The following TMEM68 variants were observed in gnomAD, a reference collection of about 807,000 sequenced individuals.
TMEM68 encodes DGAT1/2-independent enzyme synthesizing storage lipids.
Under a neutral mutation model 36.9 loss-of-function variants are expected in TMEM68, and 25 were observed. The ratio of observed to expected loss-of-function variants is 0.68; its 90% CI spans 0.49 to 0.95. The LOEUF (loss-of-function observed/expected upper bound fraction) is 0.95, where lower values mean the gene tolerates loss of function less well. Among genes scored for constraint, TMEM68 ranks in the 40% least tolerant of loss-of-function variants. TMEM68 has a pLI of 0.00. For synonymous variants in TMEM68, 131 were observed against 124.4 expected (o/e 1.05, Z -0.35); for missense variants, 333 against 392.0 (o/e 0.85, Z 1.27).
At position 55,769,018 on chromosome 8, in the gene TMEM68, T is replaced by TTAAAAAA. The variant is rs1554556017; in HGVS notation, c.-115+4250_-115+4251insTTTTTTA. Among the ~76,000 whole-genome samples, 92 of 82,094 alleles carry TTAAAAAA rather than the reference T, an allele frequency of 1.1e-3. 1 individual carries two copies. Among genetic ancestry groups the TTAAAAAA allele is most frequent in the Non-Finnish European group, 1.7e-3 (69 of 41,478 alleles). The allele number at this position is 82,094 out of a possible 152,430, so 53.9% of individuals were successfully genotyped here. On this transcript the variant is annotated intron_variant, in intron 1 of 7. Coordinates refer to ENST00000434581, the MANE Select transcript of TMEM68 (RefSeq NM_001286657.2). ...GTGAAAGAGCAAGAGACTCTGTCTT[T>TTAAAAAA]AAAAAAAAAAAAAAAAAAAAAAAGG... is the stretch of plus-strand genomic sequence containing the variant.
rs564092460 is a variant in TMEM68, at chr8:55,740,216, C to G, written c.891G>C (p.Thr297=). Residue 297 remains threonine (T), a splice_region_variant and synonymous_variant, in exon 8 of 8, where the codon ACG becomes ACC. Coordinates refer to ENST00000434581, the MANE Select transcript of TMEM68 (RefSeq NM_001286657.2). ...CAATCAAAGCTTGAACAGCATTCTT[C>G]GTCTATTAAGAAAACAAAAGAAAAG... ...QITAEELAEK[T]KNAVQALIDK... is the part of the protein sequence containing the mutation. 6.2e-7 allele frequency: 1 copy of G among 1,611,518 alleles called. No individual in the cohort carries two copies. Among genetic ancestry groups the G allele is most frequent in the East Asian group, 2.2e-5 (1 of 44,794 alleles).
At chr8:55,740,355 G>T in intron 7 of TMEM68, 137 bp from the exon 8 acceptor site, 1 of 617,180 alleles carries the variant, frequency 1.6e-6, no homozygotes, top group South Asian at 2.6e-5. Flanking sequence ...TATAGAGATG[G>T]GGTTTCACTA....
At position 55,743,529 on chromosome 8, in the gene TMEM68, G is replaced by A. The variant is rs1159065319; in HGVS notation, c.840C>T (p.Asp280=). ...FPVKLRTYLG[D]PIPYDPQITA... ...TTATCTGTGGGTCATACGGAATGGGGTCGCCTAAATAGGTCCGTAACTTCA... is the reference window on the plus strand; with the variant it reads ...TTATCTGTGGGTCATACGGAATGGGATCGCCTAAATAGGTCCGTAACTTCA... Residue 280 remains aspartate, a synonymous_variant, in exon 7 of 8, where the codon GAC becomes GAT. Transcript: ENST00000434581. 1 of 1,535,834 alleles carries A rather than the reference G, an allele frequency of 6.5e-7. No homozygotes were observed. The highest frequency in any genetic ancestry group is 2.4e-5 in the East Asian group (1 of 40,902).
chr8:55,762,777 G>A lies in TMEM68; in HGVS notation c.183C>T (p.Ile61=). The A allele has an allele frequency of 1.2e-6, 2 of 1,613,874 alleles. No individual in the cohort carries two copies. The highest frequency in any genetic ancestry group is 1.7e-6 in the Non-Finnish European group (2 of 1,179,822). Residue 61 remains isoleucine, a synonymous_variant, in exon 3 of 8, where the codon ATC becomes ATT. Coordinates refer to ENST00000434581, the MANE Select transcript of TMEM68 (RefSeq NM_001286657.2). ...LILLILPYFT[I]FLLYLTIIFL... is the part of the protein sequence containing the mutation. ...AAATAATAGTAAGGTAGAGAAGAAA[G>A]ATAGTAAAGTAAGGAAGTATTAAAA...
intron 3 of TMEM68, 119 bp downstream of exon 3, chr8:55,762,516 G>A (rs763304269): frequency 6.6e-7 from 1 of 1,520,484 alleles, no homozygotes; most frequent in African/African-American, 1.4e-5. Context: ...ACAGGGAATA[G>A]TAAATATCAC....
chr8:55,756,157 C>T (rs994881505), intron 4 of TMEM68, 87 bp downstream of exon 4: 289 of 1,203,888 alleles, frequency 2.4e-4, no homozygotes, highest in Non-Finnish European at 3.1e-4. Context: ...TTTCAAATGA[C>T]GTTAGAGAGC....
Position 55,739,370 on chromosome 8 carries a change from T to C in TMEM68, c.*762A>G, listed in dbSNP as rs571956425. On this transcript the variant is annotated 3_prime_UTR_variant, in exon 8 of 8. Transcript: ENST00000434581. ...CAGCACACCCTATATTGTTTGCCTA[T>C]AGACTCTTGTTAAAAATATCATACT... The C allele has an allele frequency of 1.3e-5, 2 of 152,572 alleles. No individual in the cohort carries two copies. Among genetic ancestry groups the C allele is most frequent in the Admixed American group, 6.5e-5 (1 of 15,270 alleles). 9.5% of individuals were successfully genotyped at this position (152,572 alleles called of 1,614,324 possible). A position where few individuals can be genotyped will look rare whatever the true frequency, so the allele number is the denominator to read the frequency against.
rs547746082 is a variant in TMEM68 at position 55,761,015 on chromosome 8, TTTAAATAATAAACA to T, written c.325+1606_325+1619del. 234 of 152,328 alleles carry T rather than the reference TTTAAATAATAAACA, an allele frequency of 1.5e-3. 1 individual carries two copies. Among genetic ancestry groups the T allele is most frequent in the African/African-American group, 5.2e-3 (216 of 41,580 alleles). 9.4% of individuals were successfully genotyped at this position (152,328 alleles called of 1,614,324 possible). ...TCTCTCTGGTTTTACAGAGTATTTTTTTAAATAATAAACAATTGAACTACTCACATAATACCAAA... is the reference window on the plus strand; with the variant it reads ...TCTCTCTGGTTTTACAGAGTATTTTTATTGAACTACTCACATAATACCAAA... On this transcript the variant is annotated intron_variant, in intron 3 of 7. Coordinates refer to ENST00000434581, the MANE Select transcript of TMEM68 (RefSeq NM_001286657.2).
In TMEM68 at chr8:55,764,283, AACTG is replaced by A. The variant is rs111648749; in HGVS notation, c.-114-307_-114-304del. On this transcript the variant is annotated intron_variant, in intron 1 of 7. Transcript: ENST00000434581. ...TAGGAGAAAAAGTATGAAGATATATAACTGACTATGATTCTTTTTAGTAACTTTG... is the reference window on the plus strand; with the variant it reads ...TAGGAGAAAAAGTATGAAGATATATAACTATGATTCTTTTTAGTAACTTTG... Among the ~76,000 whole-genome samples, 889 of 152,346 alleles carry A rather than the reference AACTG, an allele frequency of 5.8e-3. 4 individuals are homozygous for A. The highest frequency in any genetic ancestry group is 0.02 in the African/African-American group (834 of 41,584).
chr8:55,770,726 A>G (rs1272980244), intron 1 of TMEM68, among the ~76,000 whole-genome samples: 1 of 152,120 alleles, frequency 6.6e-6, no homozygotes, highest in Non-Finnish European at 1.5e-5. Context: ...GGGGAAATAC[A>G]ATATTTTAGT....
chr8:55,742,524 A>T (rs1810134661), intron 7 of TMEM68, among the ~76,000 whole-genome samples: 1 of 152,200 alleles, frequency 6.6e-6, no homozygotes, highest in Admixed American at 6.5e-5. Flanking sequence ...TAAAAGTCAT[A>T]ATCAAAATAT....
intron 1 of TMEM68, among the ~76,000 whole-genome samples, chr8:55,767,430 AT>A (rs1811006498): frequency 6.6e-6 from 1 of 152,186 alleles, no homozygotes; most frequent in South Asian, 2.1e-4. Flanking sequence ...CAGGAATTCC[AT>A]TTTAAACATG....
chr8:55,754,610 ATAT>A (rs1318056569), intron 4 of TMEM68, among the ~76,000 whole-genome samples: 1 of 133,700 alleles, frequency 7.5e-6, no homozygotes, highest in Non-Finnish European at 1.5e-5. Flanking sequence ...ATATATATTT[ATAT>A]TATATATAAA....
At chr8:55,743,430 T>C (rs1810165055) in intron 7 of TMEM68, 51 bp downstream of exon 7, 1 of 1,488,692 alleles carries the variant, frequency 6.7e-7, no homozygotes, top group Non-Finnish European at 8.9e-7. Context: ...CAAAATATAA[T>C]AATTGAAAAT....
At chr8:55,771,435 C>T (rs1327583169) in intron 1 of TMEM68, among the ~76,000 whole-genome samples, 2 of 82,904 alleles carry the variant, frequency 2.4e-5, no homozygotes, top group African/African-American at 8.8e-5. Context: ...AACCTTGTCT[C>T]TACAAAACAC....
rs1423060358 is a variant in TMEM68 at position 55,740,983 on chromosome 8, C to G, written c.889-765G>C. ...GCGTGGTGGCTCACACCTGTAATCC[C>G]AGCACTTTGGGAGGCTGAGGTGGGT... On this transcript the variant is annotated intron_variant, in intron 7 of 7. Coordinates refer to ENST00000434581, the MANE Select transcript of TMEM68 (RefSeq NM_001286657.2). 2.0e-5 allele frequency among the ~76,000 whole-genome samples: 3 copies of G among 152,160 alleles called. No homozygotes were observed. In the East Asian group the frequency reaches 5.8e-4, roughly 29 times the overall value.
chr8:55,750,071 G>A (rs1308255749), intron 5 of TMEM68, among the ~76,000 whole-genome samples: 1 of 151,856 alleles, frequency 6.6e-6, no homozygotes, highest in African/African-American at 2.4e-5. Context: ...TTAAACTTTT[G>A]AAAAAACAAT....
intron 4 of TMEM68, among the ~76,000 whole-genome samples, chr8:55,754,103 A>T (rs1450923533): frequency 6.6e-6 from 1 of 151,438 alleles, no homozygotes; most frequent in Non-Finnish European, 1.5e-5. Context: ...AAAATGAATA[A>T]ATATGTATAT....
intron 5 of TMEM68, chr8:55,745,542 TA>T (rs1810245676): frequency 6.6e-6 from 1 of 152,346 alleles, no homozygotes; most frequent in African/African-American, 2.4e-5. Context: ...CCAGTTTTCC[TA>T]ACATTTCACA....
Sources: allele counts gnomAD v4.1 joint callset (sites outside exome capture counted in the v4.1 genomes callset), GRCh38; gene constraint gnomAD v4.1.1; transcripts MANE v1.5; gene names NCBI Gene and HGNC (gene_info 2026-07-23, HGNC 2026-07-21).